TNFRSF18: variants seen among roughly 807,000 people sequenced by gnomAD.
TNFRSF18 encodes the protein TNF receptor superfamily member 18.
Under a neutral mutation model 30.2 loss-of-function variants are expected in TNFRSF18, and 36 were observed. The ratio of observed to expected loss-of-function variants is 1.19; its 90% CI spans 0.91 to 1.58. TNFRSF18 has a LOEUF of 1.58. TNFRSF18 is among the 40% of genes most tolerant of loss of function. The pLI, the probability that TNFRSF18 is intolerant of heterozygous loss-of-function variation, is 0.00. For synonymous variants in TNFRSF18, 173 were observed against 158.3 expected, an observed-to-expected ratio of 1.09 and a Z score of -0.70; for missense variants, 369 against 345.4, an observed-to-expected ratio of 1.07 and a Z score of -0.54.
chr1:1,204,090 G>A lies in TNFRSF18; in HGVS notation c.545C>T (p.Ser182Leu), dbSNP rs150344511. The change falls in exon 4 of 5, where the codon TCG (serine) becomes TTG (leucine). Residue 182 changes from serine (S) to leucine (L), a missense_variant. Transcript: ENST00000379268. ...CCAGATGTGCAGTCCAAGCTGGGCC[G>A]AGGTCAGGAGGAGGACGCAGGCGGC... ...AVAACVLLLT[S>L]AQLGLHIWQL... The A allele has an allele frequency of 9.4e-5, 151 of 1,608,734 alleles. No homozygotes were observed. The highest frequency in any genetic ancestry group is 6.6e-4 in the Middle Eastern group (4 of 6,054).
intron 1 of TNFRSF18, among the ~76,000 whole-genome samples, chr1:1,205,881 C>T (rs960880122): frequency 1.3e-5 from 2 of 152,346 alleles, no homozygotes; most frequent in East Asian, 3.9e-4. Flanking sequence ...ACTGGGCCTC[C>T]GGACAGAGCC....
Position 1,203,800 on chromosome 1 carries a change from G to A in TNFRSF18, c.*44C>T, listed in dbSNP as rs768867067. 6.4e-7 allele frequency: 1 copy of A among 1,574,054 alleles called. No individual in the cohort carries two copies. Among genetic ancestry groups the A allele is most frequent in the Non-Finnish European group, 8.6e-7 (1 of 1,166,224 alleles). ...GCCCCTGCGGCCTGGGGAGCTCCTG[G>A]GGAGGGGCTGGCTGCGGTCGGTGGC... is the stretch of plus-strand genomic sequence containing the variant. On this transcript the variant is annotated 3_prime_UTR_variant, in exon 5 of 5. Coordinates refer to ENST00000379268, the MANE Select transcript of TNFRSF18 (RefSeq NM_004195.3).
chr1:1,204,252 G>A lies in TNFRSF18; in HGVS notation c.399-16C>T, dbSNP rs1304476951. Reference sequence around the variant, plus strand: ...CTGGGTGCAGCTGGAATACATGGACGCGGCCTCCTATCAGCCCCCGGACAC... The same window carrying A: ...CTGGGTGCAGCTGGAATACATGGACACGGCCTCCTATCAGCCCCCGGACAC... On this transcript the variant is annotated splice_polypyrimidine_tract_variant and intron_variant, in intron 3 of 4. Transcript: ENST00000379268. 16 of 1,605,412 alleles carry A rather than the reference G, an allele frequency of 1.0e-5. No individual in the cohort carries two copies. The highest frequency in any genetic ancestry group is 1.7e-4 in the Middle Eastern group (1 of 6,058).
At chr1:1,205,692 A>C (rs1375428884) in intron 1 of TNFRSF18, 200 bp from the exon 2 acceptor site, 2 of 604,052 alleles carry the variant, frequency 3.3e-6, no homozygotes, top group African/African-American at 1.9e-5. Flanking sequence ...TGGCCTGGCT[A>C]CTCCCCCTTT....
intron 2 of TNFRSF18, 135 bp downstream of exon 2, chr1:1,205,235 C>T: frequency 7.4e-7 from 1 of 1,358,954 alleles, no homozygotes. Context: ...CATGGCCTGG[C>T]CTGCCCGGCC....
Position 1,206,432 on chromosome 1 carries a change from G to A in TNFRSF18, c.140C>T (p.Ala47Val), listed in dbSNP as rs752923249. The A allele has an allele frequency of 2.8e-5, 43 of 1,547,238 alleles. No homozygotes were observed. The highest frequency in any genetic ancestry group is 1.3e-4 in the South Asian group (11 of 83,960). ...GRLLLGTGTD[A>V]RCCRVHTTRC... ...CGTCGTGTGAACCCGGCAGCAGCGC[G>A]CGTCCGTTCCCGTCCCAAGCAGGAG... is the stretch of plus-strand genomic sequence containing the variant. The change falls in exon 1 of 5, where the codon GCG becomes GTG. Residue 47 changes from alanine (A) to valine (V), a missense_variant. Transcript: ENST00000379268.
In TNFRSF18 at chr1:1,204,397, A is replaced by G. The variant is rs1267168580; in HGVS notation, c.398+2T>C. The G allele has an allele frequency of 5.6e-6, 9 of 1,611,776 alleles. No homozygotes were observed. The highest frequency in any genetic ancestry group is 7.6e-6 in the Non-Finnish European group (9 of 1,179,730). The stretch of plus-strand genomic sequence containing the variant: ...CACCGGCAGGGCCCACCCAGGACTC[A>G]CTCTGTCCAAGGTTTGCAGTGGCCT... On this transcript the variant is annotated splice_donor_variant, in intron 3 of 4. Transcript: ENST00000379268. LOFTEE classifies it high-confidence loss of function.
chr1:1,205,238 G>T, intron 2 of TNFRSF18, 132 bp downstream of exon 2: 1 of 1,383,262 alleles, frequency 7.2e-7, no homozygotes, highest in Non-Finnish European at 9.9e-7. Flanking sequence ...GGCCTGGCCT[G>T]CCCGGCCTCA....
intron 1 of TNFRSF18, 137 bp from the exon 2 acceptor site, chr1:1,205,629 C>T (rs1648786666): frequency 3.4e-6 from 3 of 878,272 alleles, no homozygotes; most frequent in East Asian, 5.4e-5. Context: ...GGGCTCCTGG[C>T]TGGGAGTCTG....
chr1:1,205,266 C>T (rs1487841803), intron 2 of TNFRSF18, 104 bp downstream of exon 2: 1 of 1,525,996 alleles, frequency 6.6e-7, no homozygotes, highest in Non-Finnish European at 8.9e-7. Flanking sequence ...CCGGACCCCA[C>T]ACACCACATG....
In TNFRSF18 at chr1:1,203,949, C is replaced by A. The variant is rs1482246003; in HGVS notation, c.621G>T (p.Glu207Asp). Residue 207 changes from glutamate (E) to aspartate (D), a missense_variant, in exon 5 of 5, where the codon GAG becomes GAT. By Grantham distance (45) the Glu-to-Asp change is conservative. Transcript: ENST00000379268. The stretch of plus-strand genomic sequence containing the variant: ...TGGCGTCTTCGGTCGACGGCGGCAC[C>A]TCCAGCAGCAGCTGGGTCTCTGCAG... ...MWPRETQLLL[E>D]VPPSTEDARS... The A allele has an allele frequency of 6.2e-7, 1 of 1,607,188 alleles. No homozygotes were observed. The highest frequency in any genetic ancestry group is 1.7e-5 in the Admixed American group (1 of 59,922).
chr1:1,204,898 C>T (rs1285938359), intron 2 of TNFRSF18, among the ~76,000 whole-genome samples: 1 of 152,172 alleles, frequency 6.6e-6, no homozygotes, highest in Non-Finnish European at 1.5e-5. Flanking sequence ...CACAACCTCC[C>T]CAGTTGTACC....
Position 1,203,976 on chromosome 1 carries a change from G to C in TNFRSF18, c.602-8C>G, listed in dbSNP as rs781448220. On this transcript the variant is annotated splice_region_variant and splice_polypyrimidine_tract_variant and intron_variant, in intron 4 of 4. Coordinates refer to ENST00000379268, the MANE Select transcript of TNFRSF18 (RefSeq NM_004195.3). ...CCAGCAGCAGCTGGGTCTCTGCAGGGGGGCCACGGTCAGCAGGCAGCCATG... is the reference window on the plus strand; with the variant it reads ...CCAGCAGCAGCTGGGTCTCTGCAGGCGGGCCACGGTCAGCAGGCAGCCATG... 6.2e-7 allele frequency: 1 copy of C among 1,606,778 alleles called. No individual in the cohort carries two copies. The highest frequency in any genetic ancestry group is 1.1e-5 in the South Asian group (1 of 90,886).
At position 1,206,238 on chromosome 1, in the gene TNFRSF18, G is replaced by A. The variant is rs548804507; in HGVS notation, c.187+147C>T. 3.7e-4 allele frequency: 356 copies of A among 952,074 alleles called. 4 individuals are homozygous for A. In the East Asian group the frequency reaches 0.01, roughly 27 times the overall value. 59.0% of individuals were successfully genotyped at this position (952,074 alleles called of 1,614,324 possible). On this transcript the variant is annotated intron_variant, in intron 1 of 4. Transcript: ENST00000379268. ...TCCCTCTGGGATCCTGCCTCCCTCCGGAAGGCTCCCGCTGCTGGCGGCTCT... is the reference window on the plus strand; with the variant it reads ...TCCCTCTGGGATCCTGCCTCCCTCCAGAAGGCTCCCGCTGCTGGCGGCTCT...
chr1:1,204,421 C>T lies in TNFRSF18; in HGVS notation c.376G>A (p.Gly126Ser), dbSNP rs1346656436. The T allele has an allele frequency of 6.2e-7, 1 of 1,606,578 alleles. No homozygotes were observed. Among genetic ancestry groups the T allele is most frequent in the Non-Finnish European group, 8.5e-7 (1 of 1,176,126 alleles). ...CACTCTGTCCAAGGTTTGCAGTGGC[C>T]TTCGTGGCCCCCGGAGAAGGTCCCC... ...ASGTFSGGHE[G>S]HCKPWTDCTQ... The change falls in exon 3 of 5, where the codon GGC becomes AGC. Residue 126 changes from glycine to serine, a missense_variant. Transcript: ENST00000379268.
In TNFRSF18 at chr1:1,204,497, G is replaced by T. The variant is rs372195289; in HGVS notation, c.311-11C>A. ...CAAAACTGAATTTCCCTGGTGTGGG[G>T]TGTGGGGGGAGGGAGGGAGGGAGGC... On this transcript the variant is annotated splice_polypyrimidine_tract_variant and intron_variant, in intron 2 of 4. Coordinates refer to ENST00000379268, the MANE Select transcript of TNFRSF18 (RefSeq NM_004195.3). 39 of 1,483,050 alleles carry T rather than the reference G, an allele frequency of 2.6e-5. No homozygotes were observed. The Middle Eastern group carries it at 1.1e-3, about 41-fold the overall frequency. 91.9% of individuals were successfully genotyped at this position (1,483,050 alleles called of 1,614,324 possible).
chr1:1,204,897 C>T (rs992354749), intron 2 of TNFRSF18, among the ~76,000 whole-genome samples: 4 of 152,180 alleles, frequency 2.6e-5, no homozygotes, highest in African/African-American at 9.7e-5. Context: ...ACACAACCTC[C>T]CCAGTTGTAC....
Position 1,203,935 on chromosome 1 carries a change from GT to G in TNFRSF18, c.634del (p.Thr212ProfsTer115). Reference sequence around the variant, plus strand: ...GAACTGGCAGCTTCTGGCGTCTTCGGTCGACGGCGGCACCTCCAGCAGCAGC... The same window carrying G: ...GAACTGGCAGCTTCTGGCGTCTTCGGCGACGGCGGCACCTCCAGCAGCAGC... ...TQLLLEVPPS[T>X]EDARSCQFPE... On this transcript the variant is annotated frameshift_variant, in exon 5 of 5. Coordinates refer to ENST00000379268, the MANE Select transcript of TNFRSF18 (RefSeq NM_004195.3). LOFTEE classifies it high-confidence loss of function. The G allele has an allele frequency of 6.2e-7, 1 of 1,607,452 alleles. No individual in the cohort carries two copies. Among genetic ancestry groups the G allele is most frequent in the Non-Finnish European group, 8.5e-7 (1 of 1,179,226 alleles).
In TNFRSF18 at chr1:1,203,780, T is replaced by C; in HGVS notation, c.*64A>G. 6.4e-7 allele frequency: 1 copy of C among 1,566,012 alleles called. No individual in the cohort carries two copies. The highest frequency in any genetic ancestry group is 8.6e-7 in the Non-Finnish European group (1 of 1,162,050). ...GGCCCAGAGCAGAACGCAGAGCCCC[T>C]GCGGCCTGGGGAGCTCCTGGGGAGG... On this transcript the variant is annotated 3_prime_UTR_variant, in exon 5 of 5. Transcript: ENST00000379268.
Sources: allele counts gnomAD v4.1 joint callset (sites outside exome capture counted in the v4.1 genomes callset), GRCh38; gene constraint gnomAD v4.1.1; transcripts MANE v1.5; gene names NCBI Gene and HGNC (gene_info 2026-07-23, HGNC 2026-07-21).